Variants in PXDNL observed in about 807,000 individuals in gnomAD.
The protein encoded by PXDNL is probable oxidoreductase PXDNL.
Under a neutral mutation model 150.8 loss-of-function variants are expected in PXDNL, and 145 were observed. That is an observed-to-expected ratio of 0.96 (90% CI 0.84 to 1.10). The LOEUF (loss-of-function observed/expected upper bound fraction) is 1.10. PXDNL is among the 50% of genes least tolerant of loss of function. PXDNL has a pLI of 0.00. For missense variants in PXDNL, 2,087 were observed against 1,873.9 expected (o/e 1.11, Z -2.10); for synonymous variants, 757 against 725.7 (o/e 1.04, Z -0.69).
At chr8:51,577,923 A>AAAAGAAAGAAAGAAAGAAAG (rs1234489822) in intron 3 of PXDNL, among the ~76,000 whole-genome samples, 1 of 42,364 alleles carries the variant, frequency 2.4e-5, no homozygotes, top group African/African-American at 8.9e-5. Flanking sequence ...GAAAAGAAAG[A>AAAAGAAAGAAAGAAAGAAAG]AAAGAAAGAA....
At position 51,409,162 on chromosome 8, in the gene PXDNL, A is replaced by G. The variant is rs200216958; in HGVS notation, c.2462T>C (p.Leu821Pro). ...EHDLDHTVPA[L>P]STARFSDGRP... The stretch of plus-strand genomic sequence containing the variant: ...CCCATCCGAGAAGCGGGCTGTGCTC[A>G]GCGCAGGCACTGTGTGGTCCAAGTC... The change falls in exon 17 of 23, where the codon CTG (leucine) becomes CCG (proline). Residue 821 changes from leucine (L) to proline (P), a missense_variant. By Grantham distance (98) the Leu-to-Pro change is moderately conservative (BLOSUM62 -3). Coordinates refer to ENST00000356297, the MANE Select transcript of PXDNL (RefSeq NM_144651.5). The G allele has an allele frequency of 2.5e-6, 4 of 1,601,048 alleles. No homozygotes were observed. The highest frequency in any genetic ancestry group is 2.2e-5 in the East Asian group (1 of 44,542).
At chr8:51,792,762 T>C (rs1184872752) in intron 1 of PXDNL, among the ~76,000 whole-genome samples, 1 of 152,192 alleles carries the variant, frequency 6.6e-6, no homozygotes, top group Non-Finnish European at 1.5e-5. Context: ...CCAGCCCTCC[T>C]CACTGGGCGG....
chr8:51,593,227 C>A (rs185377140), intron 2 of PXDNL, among the ~76,000 whole-genome samples: 143 of 152,076 alleles, frequency 9.4e-4, no homozygotes, highest in African/African-American at 3.3e-3. Context: ...TCTAAAAAAT[C>A]CAGGGAGAAA....
intron 12 of PXDNL, among the ~76,000 whole-genome samples, chr8:51,430,739 C>T (rs1453463991): frequency 2.0e-5 from 3 of 152,144 alleles, no homozygotes; most frequent in African/African-American, 7.2e-5. Flanking sequence ...TCACCTTTAC[C>T]ACTTTTCTTC....
intron 13 of PXDNL, among the ~76,000 whole-genome samples, chr8:51,424,029 C>A (rs1809025541): frequency 6.6e-6 from 1 of 152,124 alleles, no homozygotes; most frequent in Admixed American, 6.6e-5. Context: ...TGGATAGACA[C>A]AATTGATTCA....
At chr8:51,637,022 T>G (rs1814618992) in intron 2 of PXDNL, among the ~76,000 whole-genome samples, 1 of 152,088 alleles carries the variant, frequency 6.6e-6, no homozygotes, top group South Asian at 2.1e-4. Flanking sequence ...GGTAGCAACA[T>G]TTGCTGCTCA....
At chr8:51,479,805 T>C (rs981613789) in intron 6 of PXDNL, among the ~76,000 whole-genome samples, 19 of 152,162 alleles carry the variant, frequency 1.2e-4, no homozygotes, top group African/African-American at 4.6e-4. Context: ...AAACCCAGAC[T>C]TCACCACTAT....
intron 2 of PXDNL, among the ~76,000 whole-genome samples, chr8:51,592,953 AG>A (rs1235264392): frequency 6.6e-6 from 1 of 152,220 alleles, no homozygotes; most frequent in Non-Finnish European, 1.5e-5. Flanking sequence ...TGCAACCCAG[AG>A]GTAAAATTCT....
chr8:51,694,839 T>C (rs765689686), intron 1 of PXDNL, among the ~76,000 whole-genome samples: 2 of 152,246 alleles, frequency 1.3e-5, no homozygotes, highest in Admixed American at 6.5e-5. Flanking sequence ...AATAAAATTT[T>C]ATGAAATCTA....
rs1210628556 is a variant in PXDNL, at chr8:51,539,464, A to G, written c.380+17376T>C. ...TCTGTGATTTTGGTGTCATAAAATA[A>G]TTCTAACTCATAAAATGAGTTGAGA... On this transcript the variant is annotated intron_variant, in intron 4 of 22. Transcript: ENST00000356297. Among the ~76,000 whole-genome samples the G allele has an allele frequency of 2.0e-5, 3 of 152,220 alleles. No homozygotes were observed. The East Asian group carries it at 5.8e-4, about 29-fold the overall frequency.
chr8:51,398,751 A>ACGAGAC (rs1808163123), intron 17 of PXDNL, among the ~76,000 whole-genome samples: 2 of 152,348 alleles, frequency 1.3e-5, no homozygotes, highest in South Asian at 4.1e-4. Flanking sequence ...TTTAGAAATT[A>ACGAGAC]CGAGACAGAG....
intron 18 of PXDNL, among the ~76,000 whole-genome samples, chr8:51,373,475 T>C (rs1352284318): frequency 6.6e-6 from 1 of 152,232 alleles, no homozygotes; most frequent in East Asian, 1.9e-4. Flanking sequence ...AGTCTTTGAC[T>C]ACATATATTT....
chr8:51,651,499 C>T (rs1243057572), intron 2 of PXDNL, among the ~76,000 whole-genome samples: 1 of 152,092 alleles, frequency 6.6e-6, no homozygotes, highest in African/African-American at 2.4e-5. Context: ...AGAAATACCC[C>T]CCAACCCCTC....
intron 1 of PXDNL, among the ~76,000 whole-genome samples, chr8:51,772,001 G>A (rs973793726): frequency 6.6e-6 from 1 of 151,980 alleles, no homozygotes; most frequent in Admixed American, 6.6e-5. Flanking sequence ...ATGTGAGGAG[G>A]TGTGGTCCAG....
chr8:51,721,206 A>G (rs773348506), intron 1 of PXDNL, among the ~76,000 whole-genome samples: 2 of 152,258 alleles, frequency 1.3e-5, no homozygotes, highest in Non-Finnish European at 2.9e-5. Context: ...GAAAACGAGC[A>G]GAGACCACGA....
At chr8:51,696,837 A>ATCCACACG (rs1816153653) in intron 1 of PXDNL, among the ~76,000 whole-genome samples, 1 of 139,052 alleles carries the variant, frequency 7.2e-6, no homozygotes. Flanking sequence ...ACACACACAC[A>ATCCACACG]CAGGTCCTGA....
intron 4 of PXDNL, among the ~76,000 whole-genome samples, chr8:51,535,192 C>T (rs1437505340): frequency 1.4e-5 from 2 of 138,188 alleles, no homozygotes; most frequent in South Asian, 4.5e-4. Context: ...CCTCTCTGCC[C>T]GGCCAGGACC....
chr8:51,633,050 T>C (rs1814525034), intron 2 of PXDNL, among the ~76,000 whole-genome samples: 1 of 152,070 alleles, frequency 6.6e-6, no homozygotes, highest in Admixed American at 6.6e-5. Flanking sequence ...CACCCTTCCC[T>C]CTCTCACCAT....
intron 4 of PXDNL, among the ~76,000 whole-genome samples, chr8:51,502,866 G>T (rs1176681065): frequency 6.6e-6 from 1 of 152,042 alleles, no homozygotes; most frequent in Non-Finnish European, 1.5e-5. Flanking sequence ...CTTATATACT[G>T]AGCCACCTAA....
Sources: gnomAD v4.1 joint callset for allele counts (sites outside exome capture counted in the v4.1 genomes callset) on GRCh38, gnomAD v4.1.1 for gene constraint, MANE v1.5 for transcripts, NCBI Gene and HGNC (gene_info 2026-07-23, HGNC 2026-07-21) for gene names.